The following SPECC1 variants were observed in gnomAD, a reference collection of about 807,000 sequenced individuals.
SPECC1 encodes the protein cytospin-B.
A neutral mutation model predicts 104.1 loss-of-function variants in SPECC1; 62 were observed. The ratio of observed to expected loss-of-function variants is 0.60; its 90% CI spans 0.49 to 0.74. The LOEUF (loss-of-function observed/expected upper bound fraction) is 0.74, where lower values mean the gene tolerates loss of function less well. Ranked by LOEUF, SPECC1 falls within the 30% of genes least tolerant of loss-of-function variation. The pLI is 0.00. For synonymous variants in SPECC1, 513 were observed against 501.6 expected, an observed-to-expected ratio of 1.02 and a Z score of -0.30; for missense variants, 1,306 against 1,310.5, an observed-to-expected ratio of 1.00 and a Z score of 0.05.
intron 1 of SPECC1, among the ~76,000 whole-genome samples, chr17:20,033,182 T>C (rs1252502032): frequency 6.6e-6 from 1 of 152,106 alleles, no homozygotes; most frequent in Non-Finnish European, 1.5e-5. Context: ...CAGGCTGGTC[T>C]CGAACTCCTG....
At chr17:20,195,527 T>C (rs750595426) in intron 3 of SPECC1, among the ~76,000 whole-genome samples, 1 of 151,696 alleles carries the variant, frequency 6.6e-6, no homozygotes, top group African/African-American at 2.4e-5. Context: ...CAAATGTCAC[T>C]GTTGTATTAG....
At chr17:20,300,253 G>A (rs1420753369) in intron 13 of SPECC1, among the ~76,000 whole-genome samples, 1 of 152,194 alleles carries the variant, frequency 6.6e-6, no homozygotes, top group African/African-American at 2.4e-5. Flanking sequence ...AAGGGGACCA[G>A]GAAGGAGCAG....
At chr17:20,218,493 C>G (rs1392684623) in intron 4 of SPECC1, among the ~76,000 whole-genome samples, 1 of 152,196 alleles carries the variant, frequency 6.6e-6, no homozygotes, top group Admixed American at 6.5e-5. Flanking sequence ...AGTCTCACGC[C>G]TTTATAATTA....
rs58602455 is a variant in SPECC1 at position 20,011,744 on chromosome 17, G to A, written c.-22+2320G>A. Among the ~76,000 whole-genome samples, 789 of 152,060 alleles carry A rather than the reference G, an allele frequency of 5.2e-3. 4 individuals carry two copies. Among genetic ancestry groups the A allele is most frequent in the African/African-American group, 0.018 (749 of 41,484 alleles). Reference sequence around the variant, plus strand: ...TAATCAGTCCTGTGAACAAGGCAAGGACTTCTAATTCTTTCATTCCACTTA... The same window carrying A: ...TAATCAGTCCTGTGAACAAGGCAAGAACTTCTAATTCTTTCATTCCACTTA... On this transcript the variant is annotated intron_variant, in intron 1 of 14. Coordinates refer to ENST00000395527, the MANE Select transcript of SPECC1 (RefSeq NM_001243439.2).
intron 1 of SPECC1, among the ~76,000 whole-genome samples, chr17:20,094,937 A>T (rs1597685452): frequency 6.6e-6 from 1 of 152,228 alleles, no homozygotes; most frequent in South Asian, 2.1e-4. Context: ...ATCATAACAT[A>T]AAAGGGTGTC....
chr17:20,270,598 A>T (rs2040376054), intron 12 of SPECC1, among the ~76,000 whole-genome samples: 1 of 151,872 alleles, frequency 6.6e-6, no homozygotes, highest in Non-Finnish European at 1.5e-5. Context: ...CAGCCTGGGC[A>T]ACAGAGAGAG....
chr17:20,311,191 A>G (rs1419447501), intron 14 of SPECC1, among the ~76,000 whole-genome samples: 3 of 151,466 alleles, frequency 2.0e-5, no homozygotes, highest in South Asian at 2.1e-4. Context: ...TAGGACAGCA[A>G]TGGACTTTTG....
chr17:20,089,681 T>G (rs1174695473), intron 1 of SPECC1, among the ~76,000 whole-genome samples: 1 of 152,182 alleles, frequency 6.6e-6, no homozygotes, highest in African/African-American at 2.4e-5. Context: ...AGAAAATGAC[T>G]GACCCCAGCT....
At chr17:20,283,066 C>T (rs1428537158) in intron 12 of SPECC1, among the ~76,000 whole-genome samples, 4 of 152,098 alleles carry the variant, frequency 2.6e-5, no homozygotes, top group Admixed American at 2.0e-4. Flanking sequence ...CACCTGTAGT[C>T]CCAGCTACTC....
chr17:20,145,536 G>A (rs902344926), intron 3 of SPECC1, among the ~76,000 whole-genome samples: 37 of 152,182 alleles, frequency 2.4e-4, no homozygotes, highest in Non-Finnish European at 2.4e-4. Context: ...ACCTCAAACC[G>A]AGGACAGAGT....
rs775680506 is a variant in SPECC1, at chr17:20,204,959, A to G, written c.910A>G (p.Ile304Val). The G allele has an allele frequency of 1.9e-6, 3 of 1,614,154 alleles. No individual in the cohort carries two copies. Among genetic ancestry groups the G allele is most frequent in the Non-Finnish European group, 2.5e-6 (3 of 1,180,010 alleles). ...SSDIDEYKKN[I>V]HGNALRTSGS... ...TGACATTGATGAGTATAAAAAAAAC[A>G]TACATGGAAATGCATTACGGACATC... The change falls in exon 4 of 15, where the codon ATA becomes GTA. Residue 304 changes from isoleucine to valine, a missense_variant. By Grantham distance (29) the Ile-to-Val change is conservative. Around this residue, in one of 2 missense-constraint regions of SPECC1, gnomAD observed 1,177 missense variants for 1,139.9 expected, o/e 1.03. Transcript: ENST00000395527.
At chr17:20,305,324 A>T (rs369817587) in intron 13 of SPECC1, among the ~76,000 whole-genome samples, 13 of 152,320 alleles carry the variant, frequency 8.5e-5, no homozygotes, top group African/African-American at 2.6e-4. Context: ...AAGTAGAGTC[A>T]GGAAGTGTTG....
chr17:20,066,421 GGA>G (rs2046359303), intron 1 of SPECC1, among the ~76,000 whole-genome samples: 1 of 152,184 alleles, frequency 6.6e-6, no homozygotes, highest in Non-Finnish European at 1.5e-5. Flanking sequence ...TGCCCACTTA[GGA>G]ACTTAGCCTG....
At chr17:20,053,213 G>A (rs544859366) in intron 1 of SPECC1, among the ~76,000 whole-genome samples, 1 of 152,136 alleles carries the variant, frequency 6.6e-6, no homozygotes, top group South Asian at 2.1e-4. Context: ...TTCCTTTCAT[G>A]GCTCACTTTT....
At chr17:20,106,640 C>T (rs1167568126) in intron 2 of SPECC1, among the ~76,000 whole-genome samples, 1 of 152,158 alleles carries the variant, frequency 6.6e-6, no homozygotes, top group Non-Finnish European at 1.5e-5. Flanking sequence ...AGTTCCCCTG[C>T]ACATGCTCTC....
At chr17:20,032,070 CA>C (rs1373180696) in intron 1 of SPECC1, among the ~76,000 whole-genome samples, 2 of 152,096 alleles carry the variant, frequency 1.3e-5, no homozygotes, top group East Asian at 3.9e-4. Context: ...TTGAGCACTT[CA>C]AATATGTTAT....
At chr17:20,200,956 T>G (rs1442256662) in intron 3 of SPECC1, among the ~76,000 whole-genome samples, 1 of 151,220 alleles carries the variant, frequency 6.6e-6, no homozygotes, top group East Asian at 1.9e-4. Flanking sequence ...CATTTCATAA[T>G]ACACATCCAT....
chr17:20,041,991 G>A (rs1372358076), intron 1 of SPECC1, among the ~76,000 whole-genome samples: 2 of 152,134 alleles, frequency 1.3e-5, no homozygotes, highest in African/African-American at 4.8e-5. Flanking sequence ...CTCTCTTAGT[G>A]CTAGTGTCTG....
intron 5 of SPECC1, among the ~76,000 whole-genome samples, chr17:20,230,087 T>C (rs1330551572): frequency 6.6e-6 from 1 of 151,958 alleles, no homozygotes; most frequent in East Asian, 1.9e-4. Flanking sequence ...TGGGTTTCCA[T>C]GGTTGATGAG....
Sources: gnomAD v4.1 joint callset for allele counts (sites outside exome capture counted in the v4.1 genomes callset) on GRCh38, gnomAD v4.1.1 for gene constraint, gnomAD v4.1.1 regional missense constraint, MANE v1.5 for transcripts, NCBI Gene and HGNC (gene_info 2026-07-23, HGNC 2026-07-21) for gene names.